DGKG: variants seen among roughly 807,000 people sequenced by gnomAD.
The protein encoded by DGKG is diacylglycerol kinase gamma.
DGKG carries 78 observed loss-of-function variants against 105.3 expected under a neutral mutation model. That is an observed-to-expected ratio of 0.74 (90% confidence interval 0.62 to 0.89). DGKG has a LOEUF of 0.89. DGKG is among the 40% of genes least tolerant of loss of function. The pLI is 0.00. For synonymous variants in DGKG, 346 were observed against 367.1 expected (o/e 0.94, Z 0.66); for missense variants, 958 against 1,020.1 (o/e 0.94, Z 0.83).
chr3:186,160,112 C>T lies in DGKG; in HGVS notation c.2277+1491G>A, dbSNP rs921362544. Reference sequence around the variant, plus strand: ...TGGCACTCAAAGCAGACGAATATACCTTTACATACGGATTTCTGGGCCTCA... The same window carrying T: ...TGGCACTCAAAGCAGACGAATATACTTTTACATACGGATTTCTGGGCCTCA... On this transcript the variant is annotated intron_variant, in intron 24 of 24. Coordinates refer to ENST00000265022, the MANE Select transcript of DGKG (RefSeq NM_001346.3). 7 of 830,056 alleles carry T rather than the reference C, an allele frequency of 8.4e-6. No individual in the cohort carries two copies. The African/African-American group carries it at 1.4e-4, about 16-fold the overall frequency. The allele number at this position is 830,056 out of a possible 1,614,324, so 51.4% of individuals were successfully genotyped here. A position where few individuals can be genotyped will look rare whatever the true frequency, so the allele number is the denominator to read the frequency against.
In DGKG at chr3:186,245,915, CA is replaced by C. The variant is rs200608793; in HGVS notation, c.1762-3348del. On this transcript the variant is annotated intron_variant, in intron 19 of 24. Transcript: ENST00000265022. ...AAAGTAAAAACAAAAAACAAACAAA[CA>C]AAAAAACAACAACAACAAAAAAAAA... Among the ~76,000 whole-genome samples, 578 of 145,466 alleles carry C rather than the reference CA, an allele frequency of 4.0e-3. 1 individual carries two copies. The highest frequency in any genetic ancestry group is 0.015 in the African/African-American group (546 of 37,386).
chr3:186,258,250 A>G (rs1388538001), intron 16 of DGKG, among the ~76,000 whole-genome samples: 1 of 152,140 alleles, frequency 6.6e-6, no homozygotes, highest in African/African-American at 2.4e-5. Flanking sequence ...GTCAATACAA[A>G]TAGCCCCCAG....
chr3:186,269,046 C>T, intron 11 of DGKG, 129 bp from the exon 12 acceptor site: 1 of 651,450 alleles, frequency 1.5e-6, no homozygotes, highest in Non-Finnish European at 2.7e-6. Flanking sequence ...TTAGAGGATG[C>T]TTATTGGATG....
intron 22 of DGKG, among the ~76,000 whole-genome samples, chr3:186,185,558 G>T (rs1031234541): frequency 2.6e-5 from 4 of 152,142 alleles, no homozygotes; most frequent in Non-Finnish European, 5.9e-5. Flanking sequence ...TGGGGAGCAG[G>T]GAGGGTGGTG....
At chr3:186,157,584 A>G (rs1267401076) in intron 24 of DGKG, among the ~76,000 whole-genome samples, 1 of 152,226 alleles carries the variant, frequency 6.6e-6, no homozygotes, top group East Asian at 1.9e-4. Context: ...ATCTGTTTTA[A>G]GATCATTTAG....
chr3:186,304,384 T>G (rs963188470), intron 3 of DGKG, among the ~76,000 whole-genome samples: 15 of 152,228 alleles, frequency 9.9e-5, no homozygotes, highest in Admixed American at 2.0e-4. Flanking sequence ...TGCTTCATTC[T>G]CTCTGCAACT....
intron 17 of DGKG, among the ~76,000 whole-genome samples, chr3:186,257,288 C>T (rs1196869543): frequency 2.5e-4 from 38 of 152,216 alleles, no homozygotes; most frequent in Non-Finnish European, 1.2e-4. Context: ...CTGATGTGTC[C>T]GAGGACCCAC....
chr3:186,184,348 T>C (rs1419011666), intron 22 of DGKG, among the ~76,000 whole-genome samples: 1 of 152,194 alleles, frequency 6.6e-6, no homozygotes, highest in Admixed American at 6.5e-5. Context: ...CCCTTATTGC[T>C]TTCTTATCAG....
intron 24 of DGKG, chr3:186,159,533 T>C (rs1267395696): frequency 6.6e-6 from 1 of 152,216 alleles, no homozygotes; most frequent in Non-Finnish European, 1.5e-5. Context: ...ATAAACATAT[T>C]TAGCAGGTTT....
At chr3:186,311,836 G>C (rs895361822) in intron 2 of DGKG, among the ~76,000 whole-genome samples, 1 of 129,496 alleles carries the variant, frequency 7.7e-6, no homozygotes, top group Admixed American at 7.1e-5. Context: ...CACAGAGTAG[G>C]CCGGGCGCGG....
chr3:186,182,499 C>T (rs977757369), intron 22 of DGKG, among the ~76,000 whole-genome samples: 4 of 152,178 alleles, frequency 2.6e-5, no homozygotes, highest in Non-Finnish European at 4.4e-5. Flanking sequence ...TAATCCATGA[C>T]TGGTGCTGAG....
chr3:186,264,389 G>A (rs1331212412), intron 14 of DGKG, among the ~76,000 whole-genome samples: 5 of 151,878 alleles, frequency 3.3e-5, no homozygotes, highest in East Asian at 1.9e-4. Context: ...TCAGCCTCCC[G>A]AGTAGCTGGG....
intron 1 of DGKG, among the ~76,000 whole-genome samples, chr3:186,321,222 C>T (rs2108641265): frequency 6.6e-6 from 1 of 152,256 alleles, no homozygotes; most frequent in South Asian, 2.1e-4. Flanking sequence ...CTCAATGAGG[C>T]CGGGAAATGG....
intron 24 of DGKG, chr3:186,160,233 C>T: frequency 1.6e-5 from 16 of 985,382 alleles, no homozygotes; most frequent in East Asian, 1.1e-4. Flanking sequence ...TAGGGAGAAG[C>T]ATTTGGCTAT....
At chr3:186,341,183 T>C (rs763717879) in intron 1 of DGKG, among the ~76,000 whole-genome samples, 1 of 152,216 alleles carries the variant, frequency 6.6e-6, no homozygotes, top group Non-Finnish European at 1.5e-5. Flanking sequence ...CTGCTGATCA[T>C]TGGGATTCTG....
rs147385906 is a variant in DGKG, at chr3:186,280,807, C to T, written c.595-63G>A. On this transcript the variant is annotated intron_variant, in intron 7 of 24. Transcript: ENST00000265022. ...CAACCAGAGATGTGTCATTAAGAGC[C>T]GAACTCAAAATTAAGCCCAGTGGGA... 7,120 of 1,452,184 alleles carry T rather than the reference C, an allele frequency of 4.9e-3. 21 individuals are homozygous for T. The highest frequency in any genetic ancestry group is 6.0e-3 in the Non-Finnish European group (6,184 of 1,037,078). The allele number at this position is 1,452,184 out of a possible 1,614,324, so 90.0% of individuals were successfully genotyped here.
intron 17 of DGKG, among the ~76,000 whole-genome samples, chr3:186,253,882 G>A (rs907245273): frequency 3.9e-5 from 6 of 152,122 alleles, no homozygotes; most frequent in South Asian, 2.1e-4. Context: ...TTCACCACTC[G>A]AGTTTAAAAG....
chr3:186,313,856 C>T (rs1724676328), intron 2 of DGKG, among the ~76,000 whole-genome samples: 1 of 152,058 alleles, frequency 6.6e-6, no homozygotes, highest in South Asian at 2.1e-4. Context: ...AAGATAGAAG[C>T]AACTAGATAT....
At chr3:186,356,064 G>A (rs1379620075) in intron 1 of DGKG, among the ~76,000 whole-genome samples, 1 of 152,230 alleles carries the variant, frequency 6.6e-6, no homozygotes, top group Non-Finnish European at 1.5e-5. Flanking sequence ...CCTTTGATAA[G>A]ATTCTTCTAA....
Sources: gnomAD v4.1 joint callset for allele counts (sites outside exome capture counted in the v4.1 genomes callset) on GRCh38, gnomAD v4.1.1 for gene constraint, MANE v1.5 for transcripts, NCBI Gene and HGNC (gene_info 2026-07-23, HGNC 2026-07-21) for gene names.